Variants in CHRM4 observed in about 807,000 individuals in gnomAD.
CHRM4 encodes cholinergic receptor muscarinic 4, also known as muscarinic acetylcholine receptor M4.
CHRM4 carries 5 observed loss-of-function variants against 26.3 expected under a neutral mutation model. That is an observed-to-expected ratio of 0.19 (90% CI 0.10 to 0.40). The LOEUF (loss-of-function observed/expected upper bound fraction) is 0.40. Among genes scored for constraint, CHRM4 ranks in the 10% least tolerant of loss-of-function variants. The pLI, the probability that CHRM4 is intolerant of heterozygous loss-of-function variation, is 1.00. For synonymous variants in CHRM4, 290 were observed against 285.3 expected, an observed-to-expected ratio of 1.02 and a Z score of -0.16; for missense variants, 402 against 664.5, an observed-to-expected ratio of 0.60 and a Z score of 4.34.
chr11:46,390,683 C>T (rs557946030), intron 1 of CHRM4, among the ~76,000 whole-genome samples: 24 of 152,272 alleles, frequency 1.6e-4, no homozygotes, highest in Admixed American at 1.4e-3. Context: ...GAGGCTCCTC[C>T]ATGTCTCCGC....
In CHRM4 at chr11:46,391,592, C is replaced by T. The variant is rs997867903; in HGVS notation, c.-91G>A. Among the ~76,000 whole-genome samples, 1 of 151,838 alleles carries T rather than the reference C, an allele frequency of 6.6e-6. No individual in the cohort carries two copies. The highest frequency in any genetic ancestry group is 2.4e-5 in the African/African-American group (1 of 41,394). On this transcript the variant is annotated 5_prime_UTR_variant, in exon 1 of 2. Transcript: ENST00000682254. This position sits in a 1 kb window ranked among gnomAD's most constrained non-coding sequence, Gnocchi z 6.3. ...CCTGCTCTTCCCGGCGAGCCCCCCG[C>T]CCCCGCGCCGCCGCGGAGCCACTTA...
chr11:46,388,071 G>A (rs1198177637), intron 1 of CHRM4, among the ~76,000 whole-genome samples: 1 of 152,132 alleles, frequency 6.6e-6, no homozygotes, highest in Non-Finnish European at 1.5e-5. Flanking sequence ...CCATGTGAGG[G>A]AGGCCCACGC....
rs916467847 is a variant in CHRM4, at chr11:46,384,468, G to A, written c.*650C>T. Among the ~76,000 whole-genome samples, 1 of 152,230 alleles carries A rather than the reference G, an allele frequency of 6.6e-6. No homozygotes were observed. The highest frequency in any genetic ancestry group is 2.4e-5 in the African/African-American group (1 of 41,460). ...ACGGCTCAGCCTGGGATCGCAGAAG[G>A]CCAGACCTCAGTTCCTGAGACAGAA... On this transcript the variant is annotated 3_prime_UTR_variant, in exon 2 of 2. Coordinates refer to ENST00000682254, the MANE Select transcript of CHRM4 (RefSeq NM_000741.5).
chr11:46,384,372 G>C lies in CHRM4; in HGVS notation c.*746C>G, dbSNP rs1007572641. 6.6e-5 allele frequency among the ~76,000 whole-genome samples: 10 copies of C among 152,222 alleles called. No individual in the cohort carries two copies. The highest frequency in any genetic ancestry group is 6.5e-4 in the Admixed American group (10 of 15,290). ...ATCCACCACAGCCTCACCCTGACTC[G>C]ATGTGTGACCTGGGACAGCCTTCTA... On this transcript the variant is annotated 3_prime_UTR_variant, in exon 2 of 2. Transcript: ENST00000682254.
chr11:46,386,713 G>A lies in CHRM4; in HGVS notation c.-29-127C>T, dbSNP rs753517294. 38 of 912,582 alleles carry A rather than the reference G, an allele frequency of 4.2e-5. No homozygotes were observed. The highest frequency in any genetic ancestry group is 5.2e-5 in the Non-Finnish European group (32 of 614,414). The allele number at this position is 912,582 out of a possible 1,614,324, so 56.5% of individuals were successfully genotyped here. On this transcript the variant is annotated intron_variant, in intron 1 of 1. Coordinates refer to ENST00000682254, the MANE Select transcript of CHRM4 (RefSeq NM_000741.5). This position sits in a 1 kb window ranked among gnomAD's most constrained non-coding sequence, Gnocchi z 5.8. The stretch of plus-strand genomic sequence containing the variant: ...GAATGCCTTGAGAGAACTCTGTCCC[G>A]CCATCCCGCATTTGCCCATTCATTC...
In CHRM4 at chr11:46,385,105, C is replaced by A. The variant is rs750409461; in HGVS notation, c.*13G>T. On this transcript the variant is annotated 3_prime_UTR_variant, in exon 2 of 2. Coordinates refer to ENST00000682254, the MANE Select transcript of CHRM4 (RefSeq NM_000741.5). This position sits in a 1 kb window ranked among gnomAD's most constrained non-coding sequence, Gnocchi z 6.3. The stretch of plus-strand genomic sequence containing the variant: ...CACGCAACACCAGCACCTCCTAGGG[C>A]ACTCCTGCCTGCCTACCTGGCAGTG... 15 of 1,593,856 alleles carry A rather than the reference C, an allele frequency of 9.4e-6. No individual in the cohort carries two copies. In the South Asian group the frequency reaches 1.5e-4, roughly 15 times the overall value.
At position 46,386,071 on chromosome 11, in the gene CHRM4, G is replaced by T. The variant is rs1203431490; in HGVS notation, c.487C>A (p.Leu163Ile). 4 of 1,613,138 alleles carry T rather than the reference G, an allele frequency of 2.5e-6. No homozygotes were observed. Among genetic ancestry groups the T allele is most frequent in the Non-Finnish European group, 3.4e-6 (4 of 1,179,712 alleles). ...IAAAWVLSFV[L>I]WAPAILFWQF... Reference sequence around the variant, plus strand: ...CAGAACAAGATGGCAGGCGCCCAGAGCACGAAGGACAGTACCCAGGCAGCA... The same window carrying T: ...CAGAACAAGATGGCAGGCGCCCAGATCACGAAGGACAGTACCCAGGCAGCA... The change falls in exon 2 of 2, where the codon CTC becomes ATC. Residue 163 changes from leucine (L) to isoleucine (I), a missense_variant. Coordinates refer to ENST00000682254, the MANE Select transcript of CHRM4 (RefSeq NM_000741.5). This position sits in a 1 kb window ranked among gnomAD's most constrained non-coding sequence, Gnocchi z 5.8.
At chr11:46,389,553 G>A (rs1349338598) in intron 1 of CHRM4, among the ~76,000 whole-genome samples, 1 of 152,248 alleles carries the variant, frequency 6.6e-6, no homozygotes, top group Non-Finnish European at 1.5e-5. Flanking sequence ...CGCCGCCGGG[G>A]CTGTGCGCAC....
intron 1 of CHRM4, among the ~76,000 whole-genome samples, chr11:46,389,731 G>T (rs1429618770): frequency 2.0e-5 from 3 of 152,220 alleles, no homozygotes; most frequent in Non-Finnish European, 2.9e-5. Flanking sequence ...GTCGGACGCC[G>T]CCCCAGAGCT....
At chr11:46,388,151 C>T (rs1945359959) in intron 1 of CHRM4, among the ~76,000 whole-genome samples, 1 of 152,228 alleles carries the variant, frequency 6.6e-6, no homozygotes, top group South Asian at 2.1e-4. Context: ...CACCGCTCCA[C>T]AGACGCACGC....
rs1247092670 is a variant in CHRM4 at position 46,385,501 on chromosome 11, A to T, written c.1057T>A (p.Cys353Ser). 1 of 1,590,300 alleles carries T rather than the reference A, an allele frequency of 6.3e-7. No homozygotes were observed. Among genetic ancestry groups the T allele is most frequent in the African/African-American group, 1.3e-5 (1 of 74,502 alleles). The change falls in exon 2 of 2, where the codon TGT (cysteine) becomes AGT (serine). Residue 353 changes from cysteine to serine, a missense_variant. Physicochemically the swap from Cys to Ser is moderately radical, Grantham distance 112 (BLOSUM62 -1). Transcript: ENST00000682254. This position sits in a 1 kb window ranked among gnomAD's most constrained non-coding sequence, Gnocchi z 6.3. The part of the protein sequence containing the change: ...QIVTKQTGNE[C>S]VTAIEIVPAT... Reference sequence around the variant, plus strand: ...GGCACAATCTCAATGGCTGTCACACACTCATTGCCTGTCTGCTTCGTCACA... The same window carrying T: ...GGCACAATCTCAATGGCTGTCACACTCTCATTGCCTGTCTGCTTCGTCACA...
At position 46,391,508 on chromosome 11, in the gene CHRM4, C is replaced by T. The variant is rs928924690; in HGVS notation, c.-30+23G>A. On this transcript the variant is annotated intron_variant, in intron 1 of 1. Transcript: ENST00000682254. This position sits in a 1 kb window ranked among gnomAD's most constrained non-coding sequence, Gnocchi z 6.3. Reference sequence around the variant, plus strand: ...CGCGCTCGCCCCGGAGGGGGTCTGGCGCCCTGTCCCAGTCGAACCCACCTC... The same window carrying T: ...CGCGCTCGCCCCGGAGGGGGTCTGGTGCCCTGTCCCAGTCGAACCCACCTC... Among the ~76,000 whole-genome samples the T allele has an allele frequency of 1.3e-5, 2 of 152,064 alleles. No individual in the cohort carries two copies. The highest frequency in any genetic ancestry group is 4.8e-5 in the African/African-American group (2 of 41,434).
In CHRM4 at chr11:46,386,311, C is replaced by A; in HGVS notation, c.247G>T (p.Ala83Ser). 1 of 1,613,818 alleles carries A rather than the reference C, an allele frequency of 6.2e-7. No individual in the cohort carries two copies. The highest frequency in any genetic ancestry group is 8.5e-7 in the Non-Finnish European group (1 of 1,179,888). ...SLACADLIIGAFSMNLYTVYI... is the reference protein window; with the variant it reads ...SLACADLIIGSFSMNLYTVYI... ...ACGGTGTAGAGGTTCATGGAGAAGG[C>A]GCCTATGATGAGATCAGCACACGCC... The change falls in exon 2 of 2, where the codon GCC becomes TCC. Residue 83 changes from alanine to serine, a missense_variant. By Grantham distance (99) the Ala-to-Ser change is moderately conservative. Coordinates refer to ENST00000682254, the MANE Select transcript of CHRM4 (RefSeq NM_000741.5). This position sits in a 1 kb window ranked among gnomAD's most constrained non-coding sequence, Gnocchi z 5.8.
At chr11:46,388,494 T>G (rs1223959056) in intron 1 of CHRM4, among the ~76,000 whole-genome samples, 4 of 152,244 alleles carry the variant, frequency 2.6e-5, no homozygotes. Flanking sequence ...ACCCCAGCCC[T>G]TCTATTCCAC....
rs200195228 is a variant in CHRM4, at chr11:46,385,922, C to G, written c.636G>C (p.Thr212=). ...CCAGGGAGATGTGGATGTACAGCAC[C>G]GTCATGATGACCACAGGCAGGTAGA... ...AAFYLPVVIM[T]VLYIHISLAS... The change falls in exon 2 of 2, where the codon ACG becomes ACC. Residue 212 remains threonine, a synonymous_variant. Transcript: ENST00000682254. This position sits in a 1 kb window ranked among gnomAD's most constrained non-coding sequence, Gnocchi z 6.3. The G allele has an allele frequency of 6.2e-7, 1 of 1,612,006 alleles. No individual in the cohort carries two copies. Among genetic ancestry groups the G allele is most frequent in the Non-Finnish European group, 8.5e-7 (1 of 1,179,414 alleles).
At chr11:46,387,265 C>T (rs1945350117) in intron 1 of CHRM4, among the ~76,000 whole-genome samples, 1 of 152,180 alleles carries the variant, frequency 6.6e-6, no homozygotes, top group Non-Finnish European at 1.5e-5. Context: ...CTACTAAGTG[C>T]CAAGCACTTT....
intron 1 of CHRM4, among the ~76,000 whole-genome samples, chr11:46,390,988 C>T (rs1472789757): frequency 6.6e-6 from 1 of 152,050 alleles, no homozygotes; most frequent in Non-Finnish European, 1.5e-5. Context: ...GATTTGGCAC[C>T]GACATTGTGC....
chr11:46,385,403 C>T lies in CHRM4; in HGVS notation c.1155G>A (p.Val385=), dbSNP rs1480936506. The part of the protein sequence containing the change: ...RKFASIARNQ[V]RKKRQMAARE... ...GGGCCGCCATCTGCCGCTTCTTGCGCACCTGGTTGCGAGCGATGCTGGCGA... is the reference window on the plus strand; with the variant it reads ...GGGCCGCCATCTGCCGCTTCTTGCGTACCTGGTTGCGAGCGATGCTGGCGA... Residue 385 remains valine, a synonymous_variant, in exon 2 of 2, where the codon GTG becomes GTA. Transcript: ENST00000682254. This position sits in a 1 kb window ranked among gnomAD's most constrained non-coding sequence, Gnocchi z 6.3. The T allele has an allele frequency of 1.2e-6, 2 of 1,610,404 alleles. No homozygotes were observed. The highest frequency in any genetic ancestry group is 2.2e-5 in the South Asian group (2 of 91,048).
Position 46,385,301 on chromosome 11 carries a change from C to T in CHRM4, c.1257G>A (p.Met419Ile). Residue 419 changes from methionine (M) to isoleucine (I), a missense_variant, in exon 2 of 2, where the codon ATG becomes ATA. Coordinates refer to ENST00000682254, the MANE Select transcript of CHRM4 (RefSeq NM_000741.5). The surrounding 1 kb of genome is among the most constrained non-coding windows in gnomAD (Gnocchi z 6.3). ...TCTGGCAGAAGGTGTTCACCAGGAC[C>T]ATGACGTTGTAGGGCGTCCAGGTGA... ...FILTWTPYNV[M>I]VLVNTFCQSC... 1.2e-6 allele frequency: 2 copies of T among 1,614,090 alleles called. No individual in the cohort carries two copies. The highest frequency in any genetic ancestry group is 8.5e-7 in the Non-Finnish European group (1 of 1,179,986).
Sources: allele counts gnomAD v4.1 joint callset (sites outside exome capture counted in the v4.1 genomes callset), GRCh38; gene constraint gnomAD v4.1.1; non-coding constraint Gnocchi (gnomAD v3.1); transcripts MANE v1.5; gene names NCBI Gene and HGNC (gene_info 2026-07-23, HGNC 2026-07-21).